CLASP2: variants seen among roughly 807,000 people sequenced by gnomAD.
CLASP2 encodes the protein CLIP-associating protein 2.
In CLASP2, 47 loss-of-function variants were observed where a neutral mutation model predicts 194.4. The ratio of observed to expected loss-of-function variants is 0.24; its 90% CI spans 0.19 to 0.31. The LOEUF is 0.31. Among genes scored for constraint, CLASP2 ranks in the 10% least tolerant of loss-of-function variants. CLASP2 has a pLI of 1.00. For missense variants in CLASP2, 1,445 were observed against 1,823.6 expected (o/e 0.79, Z 3.78); for synonymous variants, 619 against 633.5 (o/e 0.98, Z 0.34).
intron 12 of CLASP2, among the ~76,000 whole-genome samples, chr3:33,615,964 T>C (rs2076084531): frequency 1.3e-5 from 2 of 149,454 alleles, no homozygotes; most frequent in Non-Finnish European, 1.5e-5. Flanking sequence ...AGCCTTATAA[T>C]AATAAAGAAA....
intron 9 of CLASP2, among the ~76,000 whole-genome samples, chr3:33,629,866 T>C (rs2078743941): frequency 6.6e-6 from 1 of 151,412 alleles, no homozygotes; most frequent in Admixed American, 6.6e-5. Flanking sequence ...AAACCATGGT[T>C]ATCAAAGCTT....
At chr3:33,597,772 T>TA (rs2070862019) in intron 18 of CLASP2, among the ~76,000 whole-genome samples, 1 of 150,694 alleles carries the variant, frequency 6.6e-6, no homozygotes. Context: ...TTTTTTTTTT[T>TA]AACAGAGTCT....
At chr3:33,707,220 GGACAGTTT>G (rs1321515169) in intron 1 of CLASP2, among the ~76,000 whole-genome samples, 4 of 152,100 alleles carry the variant, frequency 2.6e-5, no homozygotes, top group Non-Finnish European at 4.4e-5. Flanking sequence ...TGTCAAGATA[GGACAGTTT>G]GAATATCAAA....
intron 34 of CLASP2, 35 bp from the exon 35 acceptor site, chr3:33,517,209 T>A (rs2051564193): frequency 6.6e-7 from 1 of 1,521,476 alleles, no homozygotes; most frequent in Non-Finnish European, 8.9e-7. Context: ...TCTATAACTT[T>A]ATAGGGTGAC....
intron 13 of CLASP2, 116 bp from the exon 14 acceptor site, chr3:33,608,742 A>ATAT: frequency 3.3e-6 from 1 of 300,078 alleles, no homozygotes; most frequent in Non-Finnish European, 6.2e-6. Flanking sequence ...GTTTTTAGAT[A>ATAT]TCTTTTTTTT....
chr3:33,628,852 C>A (rs7374396), intron 9 of CLASP2, among the ~76,000 whole-genome samples: 32,997 of 151,910 alleles, frequency 0.22, 3,988 homozygotes, highest in Admixed American at 0.34. Context: ...CAATATTCAA[C>A]AGGCAAGTAG....
intron 10 of CLASP2, among the ~76,000 whole-genome samples, chr3:33,624,986 A>C (rs2077747011): frequency 6.6e-6 from 1 of 152,070 alleles, no homozygotes; most frequent in Non-Finnish European, 1.5e-5. Flanking sequence ...CCTTTGTTCA[A>C]AATATTTTGG....
chr3:33,609,924 A>T (rs2074752710), intron 13 of CLASP2, among the ~76,000 whole-genome samples: 1 of 152,224 alleles, frequency 6.6e-6, no homozygotes, highest in Admixed American at 6.5e-5. Flanking sequence ...ACTTGCTCAA[A>T]GTGATGGAGT....
rs2046107162 is a variant in CLASP2, at chr3:33,498,652, A to G, written c.4500T>C (p.Thr1500=). 7.4e-6 allele frequency: 12 copies of G among 1,612,910 alleles called. No homozygotes were observed. Among genetic ancestry groups the G allele is most frequent in the Non-Finnish European group, 1.0e-5 (12 of 1,179,032 alleles). Residue 1500 remains threonine, a synonymous_variant, in exon 39 of 39, where the codon ACT becomes ACC. Transcript: ENST00000682230. ...QTGSGGADPT[T]DVSGQS is the part of the protein sequence containing the mutation. ...TTCACTAACTTTGTCCAGAAACATCAGTAGTGGGATCAGCTCCTCCAGAAC... is the reference window on the plus strand; with the variant it reads ...TTCACTAACTTTGTCCAGAAACATCGGTAGTGGGATCAGCTCCTCCAGAAC...
intron 8 of CLASP2, among the ~76,000 whole-genome samples, chr3:33,637,857 G>A (rs1330288614): frequency 6.6e-6 from 1 of 152,114 alleles, no homozygotes; most frequent in Admixed American, 6.5e-5. Flanking sequence ...TCCACTTAGA[G>A]GAATCTATTT....
intron 30 of CLASP2, among the ~76,000 whole-genome samples, chr3:33,547,671 C>T (rs2059363370): frequency 6.6e-6 from 1 of 152,084 alleles, no homozygotes; most frequent in Non-Finnish European, 1.5e-5. Flanking sequence ...GGAAGTGTTC[C>T]TTCCTCTTCT....
At chr3:33,591,842 C>T (rs2068870336) in intron 21 of CLASP2, among the ~76,000 whole-genome samples, 1 of 151,922 alleles carries the variant, frequency 6.6e-6, no homozygotes, top group African/African-American at 2.4e-5. Flanking sequence ...ATATACCTGC[C>T]AAAAATGGTA....
Position 33,531,646 on chromosome 3 carries a change from A to G in CLASP2, c.3787+3587T>C, listed in dbSNP as rs568135751. 2.6e-5 allele frequency among the ~76,000 whole-genome samples: 4 copies of G among 152,080 alleles called. No homozygotes were observed. The South Asian group carries it at 8.3e-4, about 32-fold the overall frequency. On this transcript the variant is annotated intron_variant, in intron 34 of 38. Coordinates refer to ENST00000682230, the MANE Select transcript of CLASP2 (RefSeq NM_001365631.1). ...AAAAATTAGCCAGGCATGGCGGTGC[A>G]CACCTGTAATCCCAGCTACTCAGCA...
At chr3:33,615,140 T>C (rs767934749) in intron 12 of CLASP2, among the ~76,000 whole-genome samples, 19 of 151,880 alleles carry the variant, frequency 1.3e-4, no homozygotes, top group Non-Finnish European at 2.1e-4. Flanking sequence ...CAAACAAGAA[T>C]GACCCAGAAT....
intron 8 of CLASP2, 81 bp from the exon 9 acceptor site, chr3:33,632,452 C>T (rs2154293928): frequency 4.3e-6 from 4 of 929,870 alleles, no homozygotes; most frequent in Non-Finnish European, 6.4e-6. Flanking sequence ...AAATAAAACT[C>T]TTTTGATATC....
intron 23 of CLASP2, chr3:33,577,362 G>A (rs1355324220): frequency 5.4e-6 from 5 of 918,074 alleles, no homozygotes; most frequent in East Asian, 5.1e-5. Flanking sequence ...TAACACTGGT[G>A]TTATTCTTTA....
chr3:33,715,231 T>G (rs150345206), intron 1 of CLASP2, among the ~76,000 whole-genome samples: 4 of 152,378 alleles, frequency 2.6e-5, no homozygotes, highest in Non-Finnish European at 5.9e-5. Context: ...AAGCACATGC[T>G]ATCTGAAATG....
Position 33,501,763 on chromosome 3 carries a change from A to G in CLASP2, c.4323T>C (p.Tyr1441=), listed in dbSNP as rs1469022887. The change falls in exon 38 of 39, where the codon TAT becomes TAC. Residue 1441 remains tyrosine (Y), a synonymous_variant. Transcript: ENST00000682230. ...TCCGAACACTGCTCTCTGAATTATC[A>G]TAACCCTACGGAGAGAAGTCCACTG... ...PEIMPGLIQG[Y]DNSESSVRKA... The G allele has an allele frequency of 6.2e-7, 1 of 1,610,456 alleles. No homozygotes were observed. The highest frequency in any genetic ancestry group is 8.5e-7 in the Non-Finnish European group (1 of 1,176,932).
chr3:33,697,860 G>A (rs1409174893), intron 1 of CLASP2, among the ~76,000 whole-genome samples: 1 of 152,172 alleles, frequency 6.6e-6, no homozygotes, highest in Non-Finnish European at 1.5e-5. Flanking sequence ...CAGAGGACAG[G>A]AGGAAAATAA....
Sources: allele counts gnomAD v4.1 joint callset (sites outside exome capture counted in the v4.1 genomes callset), GRCh38; gene constraint gnomAD v4.1.1; transcripts MANE v1.5; gene names NCBI Gene and HGNC (gene_info 2026-07-23, HGNC 2026-07-21).